CTNNA2: variants seen among roughly 807,000 people sequenced by gnomAD.
CTNNA2 encodes the protein catenin alpha-2.
A neutral mutation model predicts 101.0 loss-of-function variants in CTNNA2; 42 were observed. The observed-to-expected ratio is 0.42, with a 90% confidence interval of 0.32 to 0.54. CTNNA2 has a LOEUF of 0.54. Among genes scored for constraint, CTNNA2 ranks in the 20% least tolerant of loss-of-function variants. The pLI, the probability that CTNNA2 is intolerant of heterozygous loss-of-function variation, is 0.14. For synonymous variants in CTNNA2, 450 were observed against 456.4 expected (o/e 0.99, Z 0.18); for missense variants, 871 against 1,223.1 (o/e 0.71, Z 4.29).
chr2:80,379,803 CAG>C (rs980194856), intron 7 of CTNNA2, among the ~76,000 whole-genome samples: 1 of 151,976 alleles, frequency 6.6e-6, no homozygotes, highest in African/African-American at 2.4e-5. Context: ...GATACTGAAA[CAG>C]AGTATTTTGG....
chr2:80,041,638 T>G (rs1464632111), intron 7 of CTNNA2, among the ~76,000 whole-genome samples: 1 of 152,186 alleles, frequency 6.6e-6, no homozygotes, highest in Non-Finnish European at 1.5e-5. Context: ...TTCAGTACAT[T>G]CCTGTCTTCG....
intron 4 of CTNNA2, among the ~76,000 whole-genome samples, chr2:79,414,824 C>A (rs947080232): frequency 6.6e-6 from 1 of 152,022 alleles, no homozygotes; most frequent in Non-Finnish European, 1.5e-5. Context: ...GTGAGGCCAT[C>A]TTAGACCATC....
chr2:80,214,521 A>C (rs1708124028), intron 7 of CTNNA2, among the ~76,000 whole-genome samples: 2 of 152,092 alleles, frequency 1.3e-5, no homozygotes, highest in African/African-American at 4.8e-5. Context: ...TCTTTTCTTC[A>C]AGAATGTTAA....
chr2:79,806,656 T>A (rs142871111), intron 3 of CTNNA2, among the ~76,000 whole-genome samples: 252 of 152,072 alleles, frequency 1.7e-3, no homozygotes, highest in African/African-American at 5.8e-3. Flanking sequence ...TGCCCCAGTC[T>A]CCCACGTTTG....
At chr2:79,306,935 T>C (rs2104396105) in intron 2 of CTNNA2, among the ~76,000 whole-genome samples, 1 of 152,348 alleles carries the variant, frequency 6.6e-6, no homozygotes, top group Middle Eastern at 3.4e-3. Flanking sequence ...ATCCCATTCA[T>C]AGTTTCCTCA....
intron 3 of CTNNA2, among the ~76,000 whole-genome samples, chr2:79,314,887 G>A (rs1676461257): frequency 6.6e-6 from 1 of 152,194 alleles, no homozygotes; most frequent in African/African-American, 2.4e-5. Flanking sequence ...GTGCCATGAA[G>A]TCATCATTTA....
At chr2:80,077,158 T>C (rs1391253340) in intron 7 of CTNNA2, among the ~76,000 whole-genome samples, 1 of 152,208 alleles carries the variant, frequency 6.6e-6, no homozygotes, top group African/African-American at 2.4e-5. Context: ...TCATATATTT[T>C]TGGCAGAAAT....
At chr2:79,937,363 C>T (rs956139524) in intron 7 of CTNNA2, among the ~76,000 whole-genome samples, 3 of 152,214 alleles carry the variant, frequency 2.0e-5, no homozygotes, top group African/African-American at 4.8e-5. Flanking sequence ...ACAACCTGCT[C>T]ATAAGATGGG....
intron 4 of CTNNA2, among the ~76,000 whole-genome samples, chr2:79,377,366 T>C (rs1333095625): frequency 6.6e-6 from 1 of 152,172 alleles, no homozygotes; most frequent in African/African-American, 2.4e-5. Context: ...TACAAGGTCC[T>C]TGACTAAATC....
rs770322785 is a variant in CTNNA2, at chr2:80,647,915, CTTTCT to C, written c.*47_*51del. 1.3e-5 allele frequency: 20 copies of C among 1,515,860 alleles called. No homozygotes were observed. The highest frequency in any genetic ancestry group is 1.7e-5 in the Non-Finnish European group (19 of 1,132,192). The allele number at this position is 1,515,860 out of a possible 1,614,324, so 93.9% of individuals were successfully genotyped here. A position where few individuals can be genotyped will look rare whatever the true frequency, so the allele number is the denominator to read the frequency against. ...AGAAAGCTTTTTCTTTCTTTTCTTTCTTTCTTTTTCTTTTTAATTCCATTTTTGTA... is the reference window on the plus strand; with the variant it reads ...AGAAAGCTTTTTCTTTCTTTTCTTTCTTTTCTTTTTAATTCCATTTTTGTA... On this transcript the variant is annotated 3_prime_UTR_variant, in exon 19 of 19. Transcript: ENST00000402739.
At chr2:79,331,032 T>G (rs914747804) in intron 3 of CTNNA2, among the ~76,000 whole-genome samples, 17 of 152,174 alleles carry the variant, frequency 1.1e-4, no homozygotes, top group African/African-American at 4.1e-4. Context: ...TAGGAATTAG[T>G]TCTGTTCTGC....
Position 80,033,012 on chromosome 2 carries a change from A to T in CTNNA2, c.1056+123215A>T, listed in dbSNP as rs575638563. Among the ~76,000 whole-genome samples the T allele has an allele frequency of 2.0e-5, 3 of 152,026 alleles. No individual in the cohort carries two copies. The South Asian group carries it at 6.2e-4, about 32-fold the overall frequency. ...CCAAAAATACAAAAATTAACTGGGC[A>T]TGGTGGTGGGCGCCTGTAGTCCCAG... On this transcript the variant is annotated intron_variant, in intron 7 of 18. Coordinates refer to ENST00000402739, the MANE Select transcript of CTNNA2 (RefSeq NM_001282597.3).
At chr2:80,102,856 G>A (rs1190761249) in intron 7 of CTNNA2, among the ~76,000 whole-genome samples, 6 of 152,256 alleles carry the variant, frequency 3.9e-5, no homozygotes, top group East Asian at 1.9e-4. Flanking sequence ...TGTCAGGGAC[G>A]ATGGGATAAA....
At chr2:79,772,942 C>G (rs529430100) in intron 3 of CTNNA2, among the ~76,000 whole-genome samples, 2 of 152,172 alleles carry the variant, frequency 1.3e-5, no homozygotes, top group Admixed American at 1.3e-4. Flanking sequence ...TTCAGTTGTT[C>G]TATCAAACAT....
intron 7 of CTNNA2, among the ~76,000 whole-genome samples, chr2:80,241,185 T>C (rs1670910106): frequency 6.6e-6 from 1 of 152,068 alleles, no homozygotes; most frequent in South Asian, 2.1e-4. Context: ...AACTGGAAAT[T>C]ATTTTCACTG....
rs114346925 is a variant in CTNNA2, at chr2:79,266,635, G to A, written c.-405-46074G>A. On this transcript the variant is annotated intron_variant, in intron 2 of 21. Transcript: ENST00000466387. ...TCATGATGGTTGGCAGCAAGATCTC[G>A]GTGGTGGTGGTAAGTGAAGATAAAG... Among the ~76,000 whole-genome samples, 329 of 152,196 alleles carry A rather than the reference G, an allele frequency of 2.2e-3. 1 individual carries two copies. The highest frequency in any genetic ancestry group is 7.7e-3 in the African/African-American group (320 of 41,540).
intron 3 of CTNNA2, among the ~76,000 whole-genome samples, chr2:79,846,704 T>C (rs999651069): frequency 6.6e-6 from 1 of 152,226 alleles, no homozygotes; most frequent in Non-Finnish European, 1.5e-5. Context: ...ACTGTGCCCT[T>C]AGTTGATTAT....
chr2:79,336,110 A>G (rs762852207), intron 3 of CTNNA2, among the ~76,000 whole-genome samples: 4 of 152,236 alleles, frequency 2.6e-5, no homozygotes, highest in African/African-American at 9.6e-5. Context: ...AGGAATATGC[A>G]TTATGTTTAG....
intron 7 of CTNNA2, among the ~76,000 whole-genome samples, chr2:80,361,019 C>T (rs145125848): frequency 3.9e-5 from 6 of 152,036 alleles, no homozygotes; most frequent in African/African-American, 1.4e-4. Flanking sequence ...ATGGTATACA[C>T]GGATGTCATA....
Sources: gnomAD v4.1 joint callset for allele counts (sites outside exome capture counted in the v4.1 genomes callset) on GRCh38, gnomAD v4.1.1 for gene constraint, MANE v1.5 for transcripts, NCBI Gene and HGNC (gene_info 2026-07-23, HGNC 2026-07-21) for gene names.